STX8: variants seen among roughly 807,000 people sequenced by gnomAD.
STX8 encodes syntaxin 8, also known as syntaxin-8.
Under a neutral mutation model 37.5 loss-of-function variants are expected in STX8, and 23 were observed. The ratio of observed to expected loss-of-function variants is 0.61; its 90% CI spans 0.44 to 0.87. STX8 has a LOEUF of 0.87. Among genes scored for constraint, STX8 ranks in the 40% least tolerant of loss-of-function variants. STX8 has a pLI of 0.00. For synonymous variants in STX8, 115 were observed against 99.1 expected, an observed-to-expected ratio of 1.16 and a Z score of -0.95; for missense variants, 313 against 284.7, an observed-to-expected ratio of 1.10 and a Z score of -0.71.
intron 6 of STX8, among the ~76,000 whole-genome samples, chr17:9,407,972 C>T (rs1237490846): frequency 6.6e-6 from 1 of 152,088 alleles, no homozygotes; most frequent in East Asian, 1.9e-4. Context: ...AAATGTTCCC[C>T]CCACAAGGAA....
At chr17:9,344,648 A>G (rs1471089177) in intron 7 of STX8, among the ~76,000 whole-genome samples, 1 of 152,126 alleles carries the variant, frequency 6.6e-6, no homozygotes, top group East Asian at 1.9e-4. Context: ...CTGGCCTGCA[A>G]AGATGCACAA....
At chr17:9,454,453 C>T (rs1232037502) in intron 6 of STX8, among the ~76,000 whole-genome samples, 1 of 151,954 alleles carries the variant, frequency 6.6e-6, no homozygotes, top group African/African-American at 2.4e-5. Flanking sequence ...CCGAGGCGGG[C>T]AGATCACGAG....
At chr17:9,379,520 T>A (rs1426603012) in intron 6 of STX8, among the ~76,000 whole-genome samples, 3 of 152,158 alleles carry the variant, frequency 2.0e-5, no homozygotes, top group African/African-American at 7.2e-5. Context: ...GAAAAGAAAT[T>A]GAAAGTGCTA....
intron 6 of STX8, among the ~76,000 whole-genome samples, chr17:9,457,169 C>A (rs1253954822): frequency 6.6e-6 from 1 of 152,208 alleles, no homozygotes; most frequent in East Asian, 1.9e-4. Flanking sequence ...CTGCTATAAC[C>A]AATTCCCACA....
chr17:9,374,539 C>T (rs540562450), intron 7 of STX8, among the ~76,000 whole-genome samples: 3 of 152,192 alleles, frequency 2.0e-5, no homozygotes, highest in East Asian at 3.9e-4. Context: ...GACTGACCCC[C>T]GTACAGCTTT....
chr17:9,486,341 C>T (rs1199655225), intron 6 of STX8, among the ~76,000 whole-genome samples: 1 of 152,048 alleles, frequency 6.6e-6, no homozygotes, highest in Non-Finnish European at 1.5e-5. Context: ...GGGAAACATC[C>T]AAAAGGATTG....
In STX8 at chr17:9,514,027, G is replaced by C. The variant is rs562884161; in HGVS notation, c.324-8865C>G. Among the ~76,000 whole-genome samples the C allele has an allele frequency of 5.0e-4, 76 of 152,324 alleles. No individual in the cohort carries two copies. The Middle Eastern group carries it at 0.01, about 20-fold the overall frequency. ...CAGAGCACACCAGAAACTGGGGAGAGTAGGGAGAAGGGGGAGAGCAAGAGA... is the reference window on the plus strand; with the variant it reads ...CAGAGCACACCAGAAACTGGGGAGACTAGGGAGAAGGGGGAGAGCAAGAGA... On this transcript the variant is annotated intron_variant, in intron 4 of 7. Coordinates refer to ENST00000306357, the MANE Select transcript of STX8 (RefSeq NM_004853.3).
At chr17:9,254,898 T>C in intron 7 of STX8, among the ~76,000 whole-genome samples, 1 of 152,020 alleles carries the variant, frequency 6.6e-6, no homozygotes, top group East Asian at 1.9e-4. Context: ...GTATTGAATT[T>C]TTGGAAGGGA....
chr17:9,478,280 C>T (rs1346868072), intron 6 of STX8, among the ~76,000 whole-genome samples: 2 of 152,100 alleles, frequency 1.3e-5, no homozygotes, highest in Non-Finnish European at 2.9e-5. Context: ...GGATTACAGG[C>T]GTGCACCATC....
At chr17:9,341,748 C>T (rs1461292720) in intron 7 of STX8, among the ~76,000 whole-genome samples, 1 of 152,112 alleles carries the variant, frequency 6.6e-6, no homozygotes, top group Non-Finnish European at 1.5e-5. Context: ...AGACATGACT[C>T]AAGTGCAGCT....
At chr17:9,495,539 A>G (rs1421687185) in intron 5 of STX8, among the ~76,000 whole-genome samples, 3 of 152,248 alleles carry the variant, frequency 2.0e-5, no homozygotes, top group Non-Finnish European at 2.9e-5. Flanking sequence ...TAGATTATGA[A>G]TGAAAAATAC....
chr17:9,373,452 C>T (rs146732888), intron 7 of STX8, among the ~76,000 whole-genome samples: 4 of 152,292 alleles, frequency 2.6e-5, no homozygotes, highest in Admixed American at 2.6e-4. Context: ...AATTCTGATA[C>T]ACACTACAAC....
intron 7 of STX8, among the ~76,000 whole-genome samples, chr17:9,287,703 A>G (rs1316018875): frequency 1.3e-5 from 2 of 152,230 alleles, no homozygotes; most frequent in East Asian, 1.9e-4. Context: ...GAAATCTGCA[A>G]TTCAACAGAT....
chr17:9,304,507 CAAAAAAAAAAAA>C (rs35673905), intron 7 of STX8, among the ~76,000 whole-genome samples: 2 of 56,886 alleles, frequency 3.5e-5, no homozygotes, highest in African/African-American at 7.6e-5. Context: ...GAAACTGTCT[CAAAAAAAAAAAA>C]AAAAAAAAAA....
At chr17:9,450,752 A>C (rs984626032) in intron 6 of STX8, among the ~76,000 whole-genome samples, 1 of 152,268 alleles carries the variant, frequency 6.6e-6, no homozygotes, top group East Asian at 1.9e-4. Flanking sequence ...ATTTCAAGTC[A>C]GCACTTTTCT....
rs557131236 is a variant in STX8, at chr17:9,262,160, A to C, written c.644-11515T>G. 2.0e-4 allele frequency among the ~76,000 whole-genome samples: 30 copies of C among 152,348 alleles called. No homozygotes were observed. The South Asian group carries it at 6.0e-3, about 31-fold the overall frequency. On this transcript the variant is annotated intron_variant, in intron 7 of 7. Transcript: ENST00000306357. ...ATGCTTATCTCATTTGTTAAAAGGA[A>C]ATCATTTGACCAACACGCAAAAGAC...
intron 7 of STX8, among the ~76,000 whole-genome samples, chr17:9,262,084 G>C (rs1409156474): frequency 6.6e-6 from 1 of 152,190 alleles, no homozygotes; most frequent in Non-Finnish European, 1.5e-5. Context: ...GTTCTACAAA[G>C]GCAGGGCAGA....
At chr17:9,499,735 G>A (rs762653309) in intron 5 of STX8, among the ~76,000 whole-genome samples, 4 of 152,126 alleles carry the variant, frequency 2.6e-5, no homozygotes, top group Non-Finnish European at 5.9e-5. Flanking sequence ...TAAGAGCAGT[G>A]GAGAGAAACT....
At chr17:9,374,937 G>T (rs549279295) in intron 7 of STX8, among the ~76,000 whole-genome samples, 1 of 151,394 alleles carries the variant, frequency 6.6e-6, no homozygotes, top group African/African-American at 2.4e-5. Context: ...GGTGGTGCAC[G>T]CCTTAATCCC....
Sources: allele counts gnomAD v4.1 joint callset (sites outside exome capture counted in the v4.1 genomes callset), GRCh38; gene constraint gnomAD v4.1.1; transcripts MANE v1.5; gene names NCBI Gene and HGNC (gene_info 2026-07-23, HGNC 2026-07-21).